OR4K2: variants seen among roughly 807,000 people sequenced by gnomAD.
The protein encoded by OR4K2 is olfactory receptor 4K2.
A neutral mutation model predicts 10.5 loss-of-function variants in OR4K2; 8 were observed. That is an observed-to-expected ratio of 0.76 (90% CI 0.45 to 1.37). The LOEUF (loss-of-function observed/expected upper bound fraction) is 1.37. OR4K2 is among the 40% of genes most tolerant of loss of function. The pLI, the probability that OR4K2 is intolerant of heterozygous loss-of-function variation, is 0.00. For missense variants in OR4K2, 547 were observed against 379.5 expected, an observed-to-expected ratio of 1.44 and a Z score of -3.67; for synonymous variants, 178 against 133.6, an observed-to-expected ratio of 1.33 and a Z score of -2.29.
rs1227488162 is a variant in OR4K2, at chr14:19,877,127, A to G, written c.860A>G (p.Tyr287Cys). Reference sequence around the variant, plus strand: ...ACTCCCACTCTGAACCCAATAATCTATACTTTGAGGAATCAAGAAGTAAAG... The same window carrying G: ...ACTCCCACTCTGAACCCAATAATCTGTACTTTGAGGAATCAAGAAGTAAAG... The part of the protein sequence containing the change: ...IFTPTLNPII[Y>C]TLRNQEVKIA... Residue 287 changes from tyrosine (Y) to cysteine (C), a missense_variant, in exon 2 of 2, where the codon TAT becomes TGT. Physicochemically the swap from Tyr to Cys is radical, Grantham distance 194. Transcript: ENST00000641885. The G allele has an allele frequency of 1.2e-6, 2 of 1,605,876 alleles. No homozygotes were observed. The highest frequency in any genetic ancestry group is 1.7e-5 in the Admixed American group (1 of 59,992).
chr14:19,876,101 A>G lies in OR4K2; in HGVS notation c.-57A>G. 1 of 619,914 alleles carries G rather than the reference A, an allele frequency of 1.6e-6. No homozygotes were observed. Among genetic ancestry groups the G allele is most frequent in the Non-Finnish European group, 2.7e-6 (1 of 366,096 alleles). 38.4% of individuals were successfully genotyped at this position (619,914 alleles called of 1,614,324 possible). ...TTTCATAATTTCCATTCAAAACAAT[A>G]TACCAAATGAGAAGGATGGAAAGAA... is the stretch of plus-strand genomic sequence containing the variant. On this transcript the variant is annotated 5_prime_UTR_variant, in exon 1 of 2. The change creates a new upstream start codon in the 5' untranslated region. Coordinates refer to ENST00000641885, the MANE Select transcript of OR4K2 (RefSeq NM_001005501.2).
In OR4K2 at chr14:19,877,021, G is replaced by C. The variant is rs1880924140; in HGVS notation, c.754G>C (p.Gly252Arg). ...AHFIVVFLFFGPCIFIYMWPL... is the reference protein window; with the variant it reads ...AHFIVVFLFFRPCIFIYMWPL... ...TTTCATTGTTGTCTTCTTGTTCTTT[G>C]GGCCATGCATCTTCATCTACATGTG... The change falls in exon 2 of 2, where the codon GGG becomes CGG. Residue 252 changes from glycine (G) to arginine (R), a missense_variant. Gly to Arg is a moderately radical substitution (Grantham distance 125). Coordinates refer to ENST00000641885, the MANE Select transcript of OR4K2 (RefSeq NM_001005501.2). The C allele has an allele frequency of 1.9e-6, 3 of 1,613,458 alleles. No homozygotes were observed. The highest frequency in any genetic ancestry group is 2.5e-6 in the Non-Finnish European group (3 of 1,179,968).
rs772855126 is a variant in OR4K2 at position 19,876,423 on chromosome 14, C to G, written c.156C>G (p.Asp52Glu). ...NSLIVITVIV[D>E]PHLHSPMYFL... ...TCATAGTCATCACAGTTATAGTGGA[C>G]CCTCACCTACACTCTCCTATGTATT... The change falls in exon 2 of 2, where the codon GAC becomes GAG. Residue 52 changes from aspartate (D) to glutamate (E), a missense_variant. Asp to Glu is a conservative substitution (Grantham distance 45, BLOSUM62 2). Coordinates refer to ENST00000641885, the MANE Select transcript of OR4K2 (RefSeq NM_001005501.2). 102 of 1,613,874 alleles carry G rather than the reference C, an allele frequency of 6.3e-5. No homozygotes were observed. Among genetic ancestry groups the G allele is most frequent in the Non-Finnish European group, 8.5e-5 (100 of 1,179,938 alleles).
Position 19,881,210 on chromosome 14 carries a change from G to A in OR4K2, c.*3998G>A. The A allele has an allele frequency of 6.6e-6, 1 of 152,260 alleles. No homozygotes were observed. The highest frequency in any genetic ancestry group is 1.9e-4 in the East Asian group (1 of 5,196). 9.4% of individuals were successfully genotyped at this position (152,260 alleles called of 1,614,324 possible). On this transcript the variant is annotated 3_prime_UTR_variant, in exon 2 of 2. Transcript: ENST00000641885. Reference sequence around the variant, plus strand: ...AAACGGGGAGAAGAAAACAGCCAGGGAAATCTAATTCATGTGAACTTCTTG... The same window carrying A: ...AAACGGGGAGAAGAAAACAGCCAGGAAAATCTAATTCATGTGAACTTCTTG...
rs1393379431 is a variant in OR4K2 at position 19,882,260 on chromosome 14, G to A, written c.*5048G>A. On this transcript the variant is annotated 3_prime_UTR_variant, in exon 2 of 2. Coordinates refer to ENST00000641885, the MANE Select transcript of OR4K2 (RefSeq NM_001005501.2). ...GGCAATTATATCAGTAGATCCCTCTGCCTCACTTGTGCTTTCTAAAGCTCA... is the reference window on the plus strand; with the variant it reads ...GGCAATTATATCAGTAGATCCCTCTACCTCACTTGTGCTTTCTAAAGCTCA... 6.6e-6 allele frequency: 1 copy of A among 152,312 alleles called. No individual in the cohort carries two copies. The highest frequency in any genetic ancestry group is 6.5e-5 in the Admixed American group (1 of 15,286). 9.4% of individuals were successfully genotyped at this position (152,312 alleles called of 1,614,324 possible). A position where few individuals can be genotyped will look rare whatever the true frequency, so the allele number is the denominator to read the frequency against.
rs376984036 is a variant in OR4K2, at chr14:19,881,229, C to A, written c.*4017C>A. The A allele has an allele frequency of 6.6e-6, 1 of 152,260 alleles. No homozygotes were observed. The highest frequency in any genetic ancestry group is 2.4e-5 in the African/African-American group (1 of 41,460). 9.4% of individuals were successfully genotyped at this position (152,260 alleles called of 1,614,324 possible). On this transcript the variant is annotated 3_prime_UTR_variant, in exon 2 of 2. Coordinates refer to ENST00000641885, the MANE Select transcript of OR4K2 (RefSeq NM_001005501.2). ...GCCAGGGAAATCTAATTCATGTGAA[C>A]TTCTTGCATGTACTCTCAGATGCCA...
In OR4K2 at chr14:19,881,197, G is replaced by T. The variant is rs578049225; in HGVS notation, c.*3985G>T. 3 of 152,352 alleles carry T rather than the reference G, an allele frequency of 2.0e-5. No individual in the cohort carries two copies. Among genetic ancestry groups the T allele is most frequent in the South Asian group, 4.1e-4 (2 of 4,830 alleles). The allele number at this position is 152,352 out of a possible 1,614,324, so 9.4% of individuals were successfully genotyped here. ...TATGTCAATTGAAAAACGGGGAGAA[G>T]AAAACAGCCAGGGAAATCTAATTCA... On this transcript the variant is annotated 3_prime_UTR_variant, in exon 2 of 2. Coordinates refer to ENST00000641885, the MANE Select transcript of OR4K2 (RefSeq NM_001005501.2).
In OR4K2 at chr14:19,880,961, A is replaced by G. The variant is rs924976747; in HGVS notation, c.*3749A>G. The G allele has an allele frequency of 5.3e-5, 8 of 152,238 alleles. No individual in the cohort carries two copies. Among genetic ancestry groups the G allele is most frequent in the Non-Finnish European group, 8.8e-5 (6 of 68,046 alleles). 9.4% of individuals were successfully genotyped at this position (152,238 alleles called of 1,614,324 possible). A position where few individuals can be genotyped will look rare whatever the true frequency, so the allele number is the denominator to read the frequency against. ...AATGTGATCACTGGATTATGCTGCT[A>G]TATAGAAGTTCTTGGTAAAATGCTG... On this transcript the variant is annotated 3_prime_UTR_variant, in exon 2 of 2. Transcript: ENST00000641885.
rs759744815 is a variant in OR4K2, at chr14:19,877,751, G to A, written c.*539G>A. On this transcript the variant is annotated 3_prime_UTR_variant, in exon 2 of 2. Coordinates refer to ENST00000641885, the MANE Select transcript of OR4K2 (RefSeq NM_001005501.2). ...GAAAACTCTAGATATATTTTATTTCGAATGTTAATGACGTCCATAAAATTG... is the reference window on the plus strand; with the variant it reads ...GAAAACTCTAGATATATTTTATTTCAAATGTTAATGACGTCCATAAAATTG... 3.9e-5 allele frequency: 6 copies of A among 152,690 alleles called. No homozygotes were observed. The highest frequency in any genetic ancestry group is 7.2e-5 in the African/African-American group (3 of 41,456). 9.5% of individuals were successfully genotyped at this position (152,690 alleles called of 1,614,324 possible).
Position 19,882,269 on chromosome 14 carries a change from G to C in OR4K2, c.*5057G>C, listed in dbSNP as rs1307848243. 2.0e-5 allele frequency: 3 copies of C among 152,246 alleles called. No homozygotes were observed. Among genetic ancestry groups the C allele is most frequent in the Admixed American group, 6.5e-5 (1 of 15,294 alleles). 9.4% of individuals were successfully genotyped at this position (152,246 alleles called of 1,614,324 possible). A position where few individuals can be genotyped will look rare whatever the true frequency, so the allele number is the denominator to read the frequency against. ...ATCAGTAGATCCCTCTGCCTCACTT[G>C]TGCTTTCTAAAGCTCATTTGGTGCA... On this transcript the variant is annotated 3_prime_UTR_variant, in exon 2 of 2. Coordinates refer to ENST00000641885, the MANE Select transcript of OR4K2 (RefSeq NM_001005501.2).
rs767776559 is a variant in OR4K2, at chr14:19,876,538, A to G, written c.271A>G (p.Thr91Ala). The G allele has an allele frequency of 1.9e-6, 3 of 1,614,150 alleles. No individual in the cohort carries two copies. The highest frequency in any genetic ancestry group is 1.7e-5 in the Admixed American group (1 of 60,024). The change falls in exon 2 of 2, where the codon ACC (threonine) becomes GCC (alanine). Residue 91 changes from threonine (T) to alanine (A), a missense_variant. Physicochemically the swap from Thr to Ala is moderately conservative, Grantham distance 58. Transcript: ENST00000641885. ...TACAGATTACCTAACAGGTCACAAA[A>G]CCATCTCTTTTGATGGCTGCCTTAC... is the stretch of plus-strand genomic sequence containing the variant. ...MITDYLTGHK[T>A]ISFDGCLTQI...
rs945818637 is a variant in OR4K2 at position 19,883,414 on chromosome 14, A to G, written c.*6202A>G. The G allele has an allele frequency of 6.6e-6, 1 of 152,266 alleles. No individual in the cohort carries two copies. Among genetic ancestry groups the G allele is most frequent in the African/African-American group, 2.4e-5 (1 of 41,472 alleles). The allele number at this position is 152,266 out of a possible 1,614,324, so 9.4% of individuals were successfully genotyped here. A position where few individuals can be genotyped will look rare whatever the true frequency, so the allele number is the denominator to read the frequency against. ...GCAAGTTTCTTTGAAACATTTATGTACTGTAATTTCATTGGCTATTCCTTT... is the reference window on the plus strand; with the variant it reads ...GCAAGTTTCTTTGAAACATTTATGTGCTGTAATTTCATTGGCTATTCCTTT... On this transcript the variant is annotated 3_prime_UTR_variant, in exon 2 of 2. Transcript: ENST00000641885.
chr14:19,876,345 T>C lies in OR4K2; in HGVS notation c.78T>C (p.Phe26=), dbSNP rs764565661. ...CTAATTCCTGGGAACTACAGATGTT[T>C]TTCTTTATGGTGTTTTCATTGCTTT... The part of the protein sequence containing the change: ...GLSNSWELQM[F]FFMVFSLLYV... Residue 26 remains phenylalanine (F), a synonymous_variant, in exon 2 of 2, where the codon TTT becomes TTC. Coordinates refer to ENST00000641885, the MANE Select transcript of OR4K2 (RefSeq NM_001005501.2). The C allele has an allele frequency of 1.9e-6, 3 of 1,614,118 alleles. No homozygotes were observed. The highest frequency in any genetic ancestry group is 4.5e-5 in the East Asian group (2 of 44,886).
At position 19,880,139 on chromosome 14, in the gene OR4K2, T is replaced by C. The variant is rs113814663; in HGVS notation, c.*2927T>C. 841 of 153,094 alleles carry C rather than the reference T, an allele frequency of 5.5e-3. 9 individuals carry two copies. The highest frequency in any genetic ancestry group is 9.4e-3 in the African/African-American group (392 of 41,574). The allele number at this position is 153,094 out of a possible 1,614,324, so 9.5% of individuals were successfully genotyped here. The stretch of plus-strand genomic sequence containing the variant: ...TGGCCCAACACAATTCTTCTTCCAA[T>C]GTGGCCCAGAGAAGCCAAAACTTTG... On this transcript the variant is annotated 3_prime_UTR_variant, in exon 2 of 2. Transcript: ENST00000641885.
At position 19,877,261 on chromosome 14, in the gene OR4K2, T is replaced by C. The variant is rs756545944; in HGVS notation, c.*49T>C. 7.7e-7 allele frequency: 1 copy of C among 1,295,062 alleles called. No individual in the cohort carries two copies. Among genetic ancestry groups the C allele is most frequent in the Non-Finnish European group, 1.1e-6 (1 of 942,804 alleles). 80.2% of individuals were successfully genotyped at this position (1,295,062 alleles called of 1,614,324 possible). The stretch of plus-strand genomic sequence containing the variant: ...CACAATGCTGTGTTAGGCTTTTCTT[T>C]CTAGAGGGTTCTTACCAAATTGTAA... On this transcript the variant is annotated 3_prime_UTR_variant, in exon 2 of 2. Coordinates refer to ENST00000641885, the MANE Select transcript of OR4K2 (RefSeq NM_001005501.2).
rs1163432305 is a variant in OR4K2, at chr14:19,878,112, G to C, written c.*900G>C. On this transcript the variant is annotated 3_prime_UTR_variant, in exon 2 of 2. Transcript: ENST00000641885. ...TGTAAAAATAATGAATCTGCATTTA[G>C]TAATACATTGTCAATGTAATAAGTA... The C allele has an allele frequency of 6.6e-6, 1 of 152,178 alleles. No individual in the cohort carries two copies. Among genetic ancestry groups the C allele is most frequent in the African/African-American group, 2.4e-5 (1 of 41,446 alleles). 9.4% of individuals were successfully genotyped at this position (152,178 alleles called of 1,614,324 possible).
At chr14:19,876,220 T>A in intron 1 of OR4K2, 25 bp from the exon 2 acceptor site, 2 of 991,056 alleles carry the variant, frequency 2.0e-6, no homozygotes, top group Non-Finnish European at 2.7e-6. Flanking sequence ...TTTCCTTTTT[T>A]TTTTTTTTTT....
In OR4K2 at chr14:19,879,145, A is replaced by C. The variant is rs1780933; in HGVS notation, c.*1933A>C. ...ATTAAGTAGTTGGATTGATAGTAAA[A>C]TTCTGTGGCTGATAATAAAAAGGAT... On this transcript the variant is annotated 3_prime_UTR_variant, in exon 2 of 2. Coordinates refer to ENST00000641885, the MANE Select transcript of OR4K2 (RefSeq NM_001005501.2). 1 of 152,062 alleles carries C rather than the reference A, an allele frequency of 6.6e-6. No individual in the cohort carries two copies. The highest frequency in any genetic ancestry group is 2.4e-5 in the African/African-American group (1 of 41,428). 9.4% of individuals were successfully genotyped at this position (152,062 alleles called of 1,614,324 possible).
rs545150757 is a variant in OR4K2, at chr14:19,876,376, G to A, written c.109G>A (p.Ala37Thr). ...FFMVFSLLYV[A>T]TMVGNSLIVI... ...TATGGTGTTTTCATTGCTTTATGTGGCAACAATGGTGGGTAACAGCCTCAT... is the reference window on the plus strand; with the variant it reads ...TATGGTGTTTTCATTGCTTTATGTGACAACAATGGTGGGTAACAGCCTCAT... The change falls in exon 2 of 2, where the codon GCA becomes ACA. Residue 37 changes from alanine (A) to threonine (T), a missense_variant. Ala to Thr is a moderately conservative substitution (Grantham distance 58). Transcript: ENST00000641885. 2.5e-6 allele frequency: 4 copies of A among 1,613,940 alleles called. No homozygotes were observed. Among genetic ancestry groups the A allele is most frequent in the African/African-American group, 2.7e-5 (2 of 75,014 alleles).
Sources: gnomAD v4.1 joint callset for allele counts on GRCh38, gnomAD v4.1.1 for gene constraint, MANE v1.5 for transcripts, NCBI Gene and HGNC (gene_info 2026-07-23, HGNC 2026-07-21) for gene names.